PYROXD1: variants seen among roughly 807,000 people sequenced by gnomAD.
PYROXD1 encodes tRNA ligase complex-associated NAD(P)H dehydrogenase PYROXD1.
Under a neutral mutation model 62.0 loss-of-function variants are expected in PYROXD1, and 42 were observed. That is an observed-to-expected ratio of 0.68 (90% CI 0.53 to 0.88). The LOEUF is 0.88. Ranked by LOEUF, PYROXD1 falls within the 40% of genes least tolerant of loss-of-function variation. The pLI is 0.00. For synonymous variants in PYROXD1, 170 were observed against 206.4 expected (o/e 0.82, Z 1.51); for missense variants, 493 against 604.8 (o/e 0.82, Z 1.94).
intron 3 of PYROXD1, 35 bp from the exon 4 acceptor site, chr12:21,449,528 T>C (rs1252098746): frequency 2.5e-6 from 4 of 1,586,354 alleles, no homozygotes; most frequent in Non-Finnish European, 3.4e-6. Flanking sequence ...TGATTATGTG[T>C]CTCCCTTTTC....
rs1942878235 is a variant in PYROXD1 at position 21,469,558 on chromosome 12, G to C, written c.*804G>C. The C allele has an allele frequency of 6.6e-6, 1 of 150,960 alleles. No individual in the cohort carries two copies. The highest frequency in any genetic ancestry group is 2.4e-5 in the African/African-American group (1 of 40,948). The allele number at this position is 150,960 out of a possible 1,614,324, so 9.4% of individuals were successfully genotyped here. A position where few individuals can be genotyped will look rare whatever the true frequency, so the allele number is the denominator to read the frequency against. Reference sequence around the variant, plus strand: ...GTATAATATTGCTTTCAAAAAGATGGTTATGTCAAAAGAAAAAATATAGCT... The same window carrying C: ...GTATAATATTGCTTTCAAAAAGATGCTTATGTCAAAAGAAAAAATATAGCT... On this transcript the variant is annotated 3_prime_UTR_variant, in exon 12 of 12. Transcript: ENST00000240651.
intron 5 of PYROXD1, chr12:21,454,914 G>A (rs1942567739): frequency 3.1e-6 from 1 of 326,684 alleles, no homozygotes; most frequent in Admixed American, 4.8e-5. Context: ...GTCACTTAAA[G>A]GTTCTTTCTG....
In PYROXD1 at chr12:21,462,872, C is replaced by T. The variant is rs1438734189; in HGVS notation, c.1116+10C>T. Reference sequence around the variant, plus strand: ...CCCAGTCTGGCAGCAGGTAAGCTAGCATATATAATTATATGTTTTCATCAG... The same window carrying T: ...CCCAGTCTGGCAGCAGGTAAGCTAGTATATATAATTATATGTTTTCATCAG... On this transcript the variant is annotated intron_variant, in intron 10 of 11. Coordinates refer to ENST00000240651, the MANE Select transcript of PYROXD1 (RefSeq NM_024854.5). 1.2e-6 allele frequency: 2 copies of T among 1,608,738 alleles called. No individual in the cohort carries two copies. The highest frequency in any genetic ancestry group is 1.7e-5 in the Admixed American group (1 of 58,414).
intron 3 of PYROXD1, among the ~76,000 whole-genome samples, chr12:21,448,851 C>A (rs1311129702): frequency 1.3e-5 from 2 of 152,086 alleles, no homozygotes; most frequent in African/African-American, 4.8e-5. Flanking sequence ...TAGTTTTAGA[C>A]CCATTTATGT....
Position 21,468,446 on chromosome 12 carries a change from C to A in PYROXD1, c.1255-60C>A. 6 of 1,466,272 alleles carry A rather than the reference C, an allele frequency of 4.1e-6. No individual in the cohort carries two copies. In the Admixed American group the frequency reaches 9.8e-5, roughly 24 times the overall value. 90.8% of individuals were successfully genotyped at this position (1,466,272 alleles called of 1,614,324 possible). A position where few individuals can be genotyped will look rare whatever the true frequency, so the allele number is the denominator to read the frequency against. ...GCTATTCAAACTTGACACAAAATAA[C>A]TACCCATTACATTTTCTTTATGATA... On this transcript the variant is annotated intron_variant, in intron 11 of 11. Coordinates refer to ENST00000240651, the MANE Select transcript of PYROXD1 (RefSeq NM_024854.5).
intron 10 of PYROXD1, among the ~76,000 whole-genome samples, chr12:21,465,222 C>G (rs1942770386): frequency 6.6e-6 from 1 of 152,152 alleles, no homozygotes; most frequent in Non-Finnish European, 1.5e-5. Flanking sequence ...ATTTCTAGTT[C>G]TAGATCCCTG....
At chr12:21,444,366 G>A (rs1033218716) in intron 2 of PYROXD1, among the ~76,000 whole-genome samples, 1 of 152,288 alleles carries the variant, frequency 6.6e-6, no homozygotes, top group East Asian at 1.9e-4. Context: ...GAGATTAAAA[G>A]TATAGAACAT....
chr12:21,464,419 T>C, intron 10 of PYROXD1, among the ~76,000 whole-genome samples: 1 of 151,716 alleles, frequency 6.6e-6, no homozygotes, highest in Admixed American at 6.6e-5. Context: ...AAATCTATAA[T>C]ACCTTGTTTA....
At chr12:21,443,972 A>G (rs1942342338) in intron 2 of PYROXD1, among the ~76,000 whole-genome samples, 1 of 152,228 alleles carries the variant, frequency 6.6e-6, no homozygotes, top group Non-Finnish European at 1.5e-5. Flanking sequence ...CTAAGACTGT[A>G]TACATAAGAG....
Position 21,470,160 on chromosome 12 carries a change from C to T in PYROXD1, c.*1406C>T. 1 of 1,606,864 alleles carries T rather than the reference C, an allele frequency of 6.2e-7. No homozygotes were observed. Among genetic ancestry groups the T allele is most frequent in the Non-Finnish European group, 8.5e-7 (1 of 1,176,698 alleles). On this transcript the variant is annotated 3_prime_UTR_variant, in exon 12 of 12. Coordinates refer to ENST00000240651, the MANE Select transcript of PYROXD1 (RefSeq NM_024854.5). Reference sequence around the variant, plus strand: ...AAATAATGGCATATACATGCATAAACCATCTTTAATTAGAAAATTTAGTAA... The same window carrying T: ...AAATAATGGCATATACATGCATAAATCATCTTTAATTAGAAAATTTAGTAA...
Position 21,440,400 on chromosome 12 carries a change from C to G in PYROXD1, c.117C>G (p.Leu39=), listed in dbSNP as rs139813703. The part of the protein sequence containing the change: ...LATHFPSEDI[L]LVTASPVIKA... The stretch of plus-strand genomic sequence containing the variant: ...CTCACTTTCCATCGGAAGATATTCT[C>G]TTGGTAACAGCTTCTCCTGTTATTA... Residue 39 remains leucine (L), a synonymous_variant, in exon 2 of 12, where the codon CTC becomes CTG. Coordinates refer to ENST00000240651, the MANE Select transcript of PYROXD1 (RefSeq NM_024854.5). 1 of 1,600,436 alleles carries G rather than the reference C, an allele frequency of 6.2e-7. No homozygotes were observed. Among genetic ancestry groups the G allele is most frequent in the South Asian group, 1.1e-5 (1 of 88,046 alleles).
chr12:21,443,167 C>G (rs1159832910), intron 2 of PYROXD1, among the ~76,000 whole-genome samples: 1 of 152,122 alleles, frequency 6.6e-6, no homozygotes, highest in East Asian at 1.9e-4. Context: ...GAGAATTATT[C>G]AGATAGAATA....
rs1401620598 is a variant in PYROXD1, at chr12:21,461,165, A to C, written c.880+11A>C. 6.8e-7 allele frequency: 1 copy of C among 1,466,964 alleles called. No individual in the cohort carries two copies. 90.9% of individuals were successfully genotyped at this position (1,466,964 alleles called of 1,614,324 possible). ...TTACAGCTGATACAGGCAAGTAATG[A>C]AATAAGAAAAAATATATATAACCAC... On this transcript the variant is annotated intron_variant, in intron 8 of 11. Coordinates refer to ENST00000240651, the MANE Select transcript of PYROXD1 (RefSeq NM_024854.5).
At chr12:21,440,570 TAC>T (rs1942275569) in intron 2 of PYROXD1, 122 bp downstream of exon 2, 4 of 571,240 alleles carry the variant, frequency 7.0e-6, no homozygotes, top group Non-Finnish European at 1.2e-5. Flanking sequence ...TTATATGCTG[TAC>T]AACATGATGT....
chr12:21,470,973 A>G lies in PYROXD1; in HGVS notation c.*2219A>G, dbSNP rs760839761. ...TGAAAATTAATAGCCATTTACCCTG[A>G]AAGAGTTCTGCGTGGACTTTGTCAC... is the stretch of plus-strand genomic sequence containing the variant. On this transcript the variant is annotated 3_prime_UTR_variant, in exon 12 of 12. Transcript: ENST00000240651. The G allele has an allele frequency of 2.6e-6, 4 of 1,536,322 alleles. No individual in the cohort carries two copies. The highest frequency in any genetic ancestry group is 1.7e-6 in the Non-Finnish European group (2 of 1,148,810).
chr12:21,467,853 T>G (rs749251408), intron 11 of PYROXD1, among the ~76,000 whole-genome samples: 23 of 152,102 alleles, frequency 1.5e-4, no homozygotes, highest in Non-Finnish European at 2.8e-4. Flanking sequence ...GAAAAAAATT[T>G]CTCTCTAGAT....
At chr12:21,448,388 T>C (rs1341778362) in intron 3 of PYROXD1, 2 of 233,704 alleles carry the variant, frequency 8.6e-6, no homozygotes, top group Admixed American at 5.7e-5. Context: ...GCCAAAAATT[T>C]AGCAGTAGCT....
intron 5 of PYROXD1, 171 bp from the exon 6 acceptor site, chr12:21,454,961 A>G: frequency 2.5e-6 from 1 of 395,016 alleles, no homozygotes; most frequent in East Asian, 3.8e-5. Flanking sequence ...TCAATTTTTA[A>G]TTCTTAACAT....
intron 7 of PYROXD1, among the ~76,000 whole-genome samples, chr12:21,458,325 C>T (rs2417987): frequency 0.38 from 58,078 of 152,020 alleles, 11,354 homozygotes; most frequent in Middle Eastern, 0.48. Context: ...TAGGGGCTTA[C>T]TCTGGGTTAG....
Sources: gnomAD v4.1 joint callset for allele counts (sites outside exome capture counted in the v4.1 genomes callset) on GRCh38, gnomAD v4.1.1 for gene constraint, MANE v1.5 for transcripts, NCBI Gene and HGNC (gene_info 2026-07-23, HGNC 2026-07-21) for gene names.